DNAJC5B: variants seen among roughly 807,000 people sequenced by gnomAD.
DNAJC5B encodes DnaJ heat shock protein family (Hsp40) member C5 beta, also known as dnaJ homolog subfamily C member 5B.
In DNAJC5B, 23 loss-of-function variants were observed where a neutral mutation model predicts 24.7. The ratio of observed to expected loss-of-function variants is 0.93; its 90% confidence interval spans 0.67 to 1.32. DNAJC5B has a LOEUF of 1.32. Among genes scored for constraint, DNAJC5B ranks in the 40% most tolerant of loss-of-function variants. The probability of loss-of-function intolerance (pLI) is 0.00; values close to 1 mark genes in which losing one functional copy is unlikely to be tolerated. For missense variants in DNAJC5B, 238 were observed against 240.8 expected (o/e 0.99, Z 0.08); for synonymous variants, 101 against 90.1 (o/e 1.12, Z -0.68).
intron 3 of DNAJC5B, among the ~76,000 whole-genome samples, chr8:66,064,401 G>A (rs976324853): frequency 4.6e-5 from 7 of 152,170 alleles, no homozygotes; most frequent in Non-Finnish European, 7.4e-5. Flanking sequence ...CCTAGAGAGA[G>A]CAAGTGCTTG....
chr8:66,027,203 T>C (rs1586059956), intron 1 of DNAJC5B, among the ~76,000 whole-genome samples: 1 of 152,168 alleles, frequency 6.6e-6, no homozygotes, highest in East Asian at 1.9e-4. Flanking sequence ...GATGGTAGAG[T>C]GCCAGGCACT....
intron 3 of DNAJC5B, 26 bp from the exon 4 acceptor site, chr8:66,076,634 T>C: frequency 6.2e-7 from 1 of 1,612,078 alleles, no homozygotes; most frequent in Non-Finnish European, 8.5e-7. Flanking sequence ...TAACACACTC[T>C]CCTTGTTTTT....
intron 3 of DNAJC5B, among the ~76,000 whole-genome samples, chr8:66,060,740 C>T (rs1448176424): frequency 1.3e-5 from 2 of 152,144 alleles, no homozygotes; most frequent in East Asian, 1.9e-4. Context: ...GATCAGAGCA[C>T]GTAGCAACCA....
chr8:66,083,876 T>C (rs534732601), intron 5 of DNAJC5B, among the ~76,000 whole-genome samples: 2 of 152,288 alleles, frequency 1.3e-5, no homozygotes, highest in South Asian at 2.1e-4. Context: ...AGAAATGTGA[T>C]GGAAGGAAAG....
In DNAJC5B at chr8:66,051,830, A is replaced by G. The variant is rs567713755; in HGVS notation, c.119+164A>G. ...TAGGAGTTAGGAATGGAAAGGCATG[A>G]CAGTGATTTTATGAAAGAACTCACT... On this transcript the variant is annotated intron_variant, in intron 3 of 5. Transcript: ENST00000276570. Among the ~76,000 whole-genome samples, 6 of 152,324 alleles carry G rather than the reference A, an allele frequency of 3.9e-5. 1 individual carries two copies. Among genetic ancestry groups the G allele is most frequent in the Admixed American group, 3.9e-4 (6 of 15,300 alleles).
intron 5 of DNAJC5B, among the ~76,000 whole-genome samples, chr8:66,080,908 AGT>A (rs1246463101): frequency 6.6e-6 from 1 of 152,176 alleles, no homozygotes; most frequent in African/African-American, 2.4e-5. Flanking sequence ...TCACAGAAAA[AGT>A]ATTTCAGCCG....
At chr8:66,024,280 T>C (rs987364031) in intron 1 of DNAJC5B, among the ~76,000 whole-genome samples, 1 of 152,216 alleles carries the variant, frequency 6.6e-6, no homozygotes, top group South Asian at 2.1e-4. Flanking sequence ...AACTTTCAGC[T>C]TCCTTATTAA....
intron 5 of DNAJC5B, among the ~76,000 whole-genome samples, chr8:66,086,375 C>T (rs564284611): frequency 6.6e-6 from 1 of 151,986 alleles, no homozygotes; most frequent in Non-Finnish European, 1.5e-5. Flanking sequence ...AATAAGGTAC[C>T]TCACATTTTC....
chr8:66,097,065 A>G (rs988991690), intron 5 of DNAJC5B, among the ~76,000 whole-genome samples: 26 of 152,114 alleles, frequency 1.7e-4, no homozygotes, highest in Admixed American at 1.5e-3. Flanking sequence ...GCATTATTAT[A>G]ACTATTGAGT....
intron 3 of DNAJC5B, among the ~76,000 whole-genome samples, chr8:66,075,356 C>T (rs1393271038): frequency 2.0e-5 from 3 of 151,948 alleles, no homozygotes; most frequent in African/African-American, 7.3e-5. Flanking sequence ...TTGGCCTAGA[C>T]ATGATATCTT....
intron 3 of DNAJC5B, among the ~76,000 whole-genome samples, chr8:66,067,630 G>T (rs1017012003): frequency 2.5e-4 from 38 of 152,140 alleles, no homozygotes; most frequent in African/African-American, 8.2e-4. Context: ...CATCATTCCA[G>T]AAATTTAACT....
intron 3 of DNAJC5B, among the ~76,000 whole-genome samples, chr8:66,061,612 T>A (rs10098049): frequency 0.062 from 7,417 of 119,820 alleles, 175 homozygotes; most frequent in African/African-American, 0.098. Context: ...AGAGAGAGAG[T>A]GTGTGTGTGT....
At chr8:66,042,613 T>C (rs141094846) in intron 1 of DNAJC5B, among the ~76,000 whole-genome samples, 1 of 145,214 alleles carries the variant, frequency 6.9e-6, no homozygotes, top group African/African-American at 2.8e-5. Flanking sequence ...TTCTTCTTCT[T>C]CTTCTTCTTC....
At position 66,079,812 on chromosome 8, in the gene DNAJC5B, C is replaced by G. The variant is rs115076763; in HGVS notation, c.334-565C>G. Among the ~76,000 whole-genome samples the G allele has an allele frequency of 4.0e-3, 613 of 152,276 alleles. 7 individuals are homozygous for G. Among genetic ancestry groups the G allele is most frequent in the African/African-American group, 0.014 (588 of 41,566 alleles). On this transcript the variant is annotated intron_variant, in intron 4 of 5. Coordinates refer to ENST00000276570, the MANE Select transcript of DNAJC5B (RefSeq NM_033105.6). ...TTGCGAGGCTGCTGAAGTGTCCAGA[C>G]TAGACATAGTGAAGGTCTGTTCTGA...
intron 1 of DNAJC5B, among the ~76,000 whole-genome samples, chr8:66,042,481 A>C (rs2128958096): frequency 6.6e-6 from 1 of 152,366 alleles, no homozygotes; most frequent in East Asian, 1.9e-4. Flanking sequence ...CCATAAGCTC[A>C]CCATATTTAC....
At chr8:66,020,260 T>C (rs975580128), upstream of DNAJC5B, among the ~76,000 whole-genome samples, 1 of 152,246 alleles carries the variant, frequency 6.6e-6, no homozygotes, top group African/African-American at 2.4e-5. Flanking sequence ...AATAATACTT[T>C]GTTTATCTCA....
intron 3 of DNAJC5B, among the ~76,000 whole-genome samples, chr8:66,052,970 C>T (rs1296735192): frequency 6.6e-6 from 1 of 152,096 alleles, no homozygotes; most frequent in Admixed American, 6.5e-5. Flanking sequence ...GGCTGGAGTG[C>T]AGTGGTCTGA....
intron 1 of DNAJC5B, among the ~76,000 whole-genome samples, chr8:66,026,809 G>T (rs1806253946): frequency 6.6e-6 from 1 of 152,232 alleles, no homozygotes; most frequent in Non-Finnish European, 1.5e-5. Context: ...AATGCATGGG[G>T]AGTCAAGTCC....
chr8:66,020,794 C>T (rs997859154), upstream of DNAJC5B, among the ~76,000 whole-genome samples: 20 of 152,100 alleles, frequency 1.3e-4, no homozygotes, highest in African/African-American at 3.6e-4. Flanking sequence ...CGCACAACTA[C>T]GCCCAGCTAA....
Sources: allele counts gnomAD v4.1 joint callset (sites outside exome capture counted in the v4.1 genomes callset), GRCh38; gene constraint gnomAD v4.1.1; transcripts MANE v1.5; gene names NCBI Gene and HGNC (gene_info 2026-07-23, HGNC 2026-07-21).